Variants in TENM4 observed in about 807,000 individuals in gnomAD.
TENM4 encodes the protein teneurin-4.
Under a neutral mutation model 243.3 loss-of-function variants are expected in TENM4, and 82 were observed. That is an observed-to-expected ratio of 0.34 (90% confidence interval 0.28 to 0.40). The LOEUF (loss-of-function observed/expected upper bound fraction) is 0.40. TENM4 is among the 10% of genes least tolerant of loss of function. The probability of loss-of-function intolerance (pLI) is 1.00; values close to 1 mark genes in which losing one functional copy is unlikely to be tolerated. For missense variants in TENM4, 3,138 were observed against 3,673.3 expected (o/e 0.85, Z 3.77); for synonymous variants, 1,412 against 1,456.3 (o/e 0.97, Z 0.69).
At chr11:79,120,647 C>A (rs184106325) in intron 4 of TENM4, among the ~76,000 whole-genome samples, 102 of 152,282 alleles carry the variant, frequency 6.7e-4, no homozygotes, top group African/African-American at 2.4e-3. Flanking sequence ...GAATCCACAG[C>A]AGCTTGTTGT....
At chr11:79,348,679 T>C (rs1322141815) in intron 1 of TENM4, among the ~76,000 whole-genome samples, 10 of 152,136 alleles carry the variant, frequency 6.6e-5, no homozygotes, top group Admixed American at 6.5e-4. Flanking sequence ...AGGTCTTCAG[T>C]GGGAACCCAA....
chr11:79,018,726 A>T (rs1200656736), intron 6 of TENM4, among the ~76,000 whole-genome samples: 1 of 152,200 alleles, frequency 6.6e-6, no homozygotes, highest in African/African-American at 2.4e-5. Context: ...GATTTGAGCC[A>T]GGCAGGGAGG....
chr11:79,176,870 A>C (rs952696197), intron 3 of TENM4, among the ~76,000 whole-genome samples: 1 of 152,220 alleles, frequency 6.6e-6, no homozygotes, highest in African/African-American at 2.4e-5. Flanking sequence ...AGAACAGAGA[A>C]ATAAATGGGA....
chr11:78,990,713 G>A (rs1014605060), intron 6 of TENM4, among the ~76,000 whole-genome samples: 1 of 152,130 alleles, frequency 6.6e-6, no homozygotes, highest in African/African-American at 2.4e-5. Flanking sequence ...GATGGGTGTT[G>A]ATGCTAAAGA....
intron 4 of TENM4, among the ~76,000 whole-genome samples, chr11:79,129,647 C>G (rs1157350498): frequency 2.6e-5 from 4 of 152,064 alleles, no homozygotes. Flanking sequence ...CATGGCTCAG[C>G]AGGGGCAGCC....
chr11:79,067,234 G>T (rs945298243), intron 5 of TENM4, among the ~76,000 whole-genome samples: 1 of 152,132 alleles, frequency 6.6e-6, no homozygotes, highest in African/African-American at 2.4e-5. Flanking sequence ...CCACTCCTCC[G>T]TGCCCTACTC....
At chr11:79,166,611 C>A (rs927505747) in intron 3 of TENM4, among the ~76,000 whole-genome samples, 5 of 152,176 alleles carry the variant, frequency 3.3e-5, no homozygotes, top group Non-Finnish European at 1.5e-5. Context: ...TTATTTGCTT[C>A]ATTTAATTCA....
chr11:78,894,086 A>G (rs964096340), intron 7 of TENM4, among the ~76,000 whole-genome samples: 3 of 152,218 alleles, frequency 2.0e-5, no homozygotes, highest in Admixed American at 1.3e-4. Flanking sequence ...CACAAAGGGA[A>G]GCATGCCCGG....
At chr11:78,852,241 T>C (rs1425963218) in intron 12 of TENM4, among the ~76,000 whole-genome samples, 1 of 152,230 alleles carries the variant, frequency 6.6e-6, no homozygotes, top group Admixed American at 6.5e-5. Flanking sequence ...TCCTTCATTT[T>C]GCCAAGAGGT....
chr11:79,257,340 A>G (rs1043143059), intron 2 of TENM4, among the ~76,000 whole-genome samples: 1 of 152,222 alleles, frequency 6.6e-6, no homozygotes, highest in Non-Finnish European at 1.5e-5. Flanking sequence ...TAATAGTTCA[A>G]TGAACTCCTA....
chr11:79,200,271 C>A (rs1376948978), intron 3 of TENM4, among the ~76,000 whole-genome samples: 1 of 152,350 alleles, frequency 6.6e-6, no homozygotes, highest in South Asian at 2.1e-4. Context: ...TTCAGAAGGA[C>A]CCAGAGGCAG....
Position 78,805,281 on chromosome 11 carries a change from C to CCCCCCCACCCACCA in TENM4, c.2179+10_2179+11insTGGTGGGTGGGGGG. The CCCCCCCACCCACCA allele has an allele frequency of 6.7e-7, 1 of 1,488,494 alleles. No individual in the cohort carries two copies. The allele number at this position is 1,488,494 out of a possible 1,614,324, so 92.2% of individuals were successfully genotyped here. A position where few individuals can be genotyped will look rare whatever the true frequency, so the allele number is the denominator to read the frequency against. On this transcript the variant is annotated intron_variant, in intron 15 of 33. Transcript: ENST00000278550. ...TCCCTCTACCCATGCTTCTTCTCCC[C>CCCCCCCACCCACCA]CTGCATTTACCGATAGAACAGTCGT... is the stretch of plus-strand genomic sequence containing the variant.
intron 12 of TENM4, among the ~76,000 whole-genome samples, chr11:78,833,244 C>T (rs1160908748): frequency 6.6e-6 from 1 of 152,170 alleles, no homozygotes; most frequent in Non-Finnish European, 1.5e-5. Context: ...ACCTGAGTGC[C>T]ATTCTCTCAA....
intron 1 of TENM4, among the ~76,000 whole-genome samples, chr11:79,344,826 G>C (rs1390289053): frequency 6.6e-6 from 1 of 152,162 alleles, no homozygotes; most frequent in Non-Finnish European, 1.5e-5. Flanking sequence ...AACTGCACTT[G>C]GCTGGAATGG....
chr11:78,776,412 G>A (rs1856741287), intron 17 of TENM4, among the ~76,000 whole-genome samples: 1 of 152,090 alleles, frequency 6.6e-6, no homozygotes, highest in African/African-American at 2.4e-5. Flanking sequence ...TAGACTGCAG[G>A]CACCTTGAGA....
rs781190627 is a variant in TENM4, at chr11:78,812,240, G to A, written c.1860C>T (p.Gly620=). ...GRCLCHSGWK[G]AECDVPTNQC... ...GGTTGGTGGGCACATCGCACTCAGC[G>A]CCTTTCCAGCCACTGTGGCACAAGC... is the stretch of plus-strand genomic sequence containing the variant. Residue 620 remains glycine (G), a synonymous_variant, in exon 14 of 34, where the codon GGC becomes GGT. Transcript: ENST00000278550. The A allele has an allele frequency of 5.2e-6, 8 of 1,551,824 alleles. No homozygotes were observed. In the Admixed American group the frequency reaches 7.8e-5, roughly 15 times the overall value.
chr11:79,088,006 T>A (rs553170590), intron 4 of TENM4, among the ~76,000 whole-genome samples: 1 of 152,372 alleles, frequency 6.6e-6, no homozygotes, highest in African/African-American at 2.4e-5. Flanking sequence ...CGCAGCTGGC[T>A]AATGTTACAC....
intron 1 of TENM4, among the ~76,000 whole-genome samples, chr11:79,400,472 C>T (rs1005107527): frequency 1.6e-4 from 25 of 152,164 alleles, no homozygotes; most frequent in African/African-American, 6.0e-4. Flanking sequence ...CCAAACAAGG[C>T]TCTGAAATTG....
intron 1 of TENM4, among the ~76,000 whole-genome samples, chr11:79,428,996 C>A (rs1361674588): frequency 6.6e-6 from 1 of 152,156 alleles, no homozygotes; most frequent in Non-Finnish European, 1.5e-5. Flanking sequence ...GTGGTGGGGG[C>A]ATGGTGCTAG....
Sources: allele counts gnomAD v4.1 joint callset (sites outside exome capture counted in the v4.1 genomes callset), GRCh38; gene constraint gnomAD v4.1.1; transcripts MANE v1.5; gene names NCBI Gene and HGNC (gene_info 2026-07-23, HGNC 2026-07-21).